RABGAP1: variants seen among roughly 807,000 people sequenced by gnomAD.
RABGAP1 encodes RAB GTPase activating protein 1, also known as rab GTPase-activating protein 1.
In RABGAP1, 23 loss-of-function variants were observed where a neutral mutation model predicts 137.6. The ratio of observed to expected loss-of-function variants is 0.17; its 90% CI spans 0.12 to 0.24. The LOEUF is 0.24. RABGAP1 is among the 10% of genes least tolerant of loss of function. The pLI, the probability that RABGAP1 is intolerant of heterozygous loss-of-function variation, is 1.00. For missense variants in RABGAP1, 906 were observed against 1,275.8 expected (o/e 0.71, Z 4.42); for synonymous variants, 451 against 450.7 (o/e 1.00, Z -0.01).
At chr9:122,959,374 A>AG (rs1308565572) in intron 2 of RABGAP1, among the ~76,000 whole-genome samples, 3 of 151,412 alleles carry the variant, frequency 2.0e-5, no homozygotes, top group African/African-American at 7.3e-5. Flanking sequence ...CAAAAAAAAA[A>AG]AAAAAAAAAA....
At position 122,961,687 on chromosome 9, in the gene RABGAP1, A is replaced by G. The variant is rs189237802; in HGVS notation, c.150+4478A>G. On this transcript the variant is annotated intron_variant, in intron 2 of 25. Coordinates refer to ENST00000373647, the MANE Select transcript of RABGAP1 (RefSeq NM_012197.4). Reference sequence around the variant, plus strand: ...TTGTGTATATATCATGTGTATCTATATAGGCACTTAATAGCTGTAAAGTTC... The same window carrying G: ...TTGTGTATATATCATGTGTATCTATGTAGGCACTTAATAGCTGTAAAGTTC... Among the ~76,000 whole-genome samples, 933 of 152,336 alleles carry G rather than the reference A, an allele frequency of 6.1e-3. 4 individuals carry two copies. Among genetic ancestry groups the G allele is most frequent in the Non-Finnish European group, 9.2e-3 (624 of 68,028 alleles).
intron 13 of RABGAP1, chr9:123,034,853 T>C (rs1439905723): frequency 6.2e-7 from 1 of 1,614,098 alleles, no homozygotes; most frequent in South Asian, 1.1e-5. Flanking sequence ...CCCCTTCCAG[T>C]AGAGGAGTCC....
upstream of RABGAP1, among the ~76,000 whole-genome samples, chr9:122,936,965 T>C (rs117488038): frequency 3.0e-4 from 45 of 152,164 alleles, no homozygotes; most frequent in East Asian, 7.9e-3. Context: ...CCAGCAAACA[T>C]GGGGGCAGGA....
intron 23 of RABGAP1, 40 bp downstream of exon 23, chr9:123,098,838 G>T (rs892971055): frequency 1.8e-5 from 27 of 1,517,370 alleles, no homozygotes; most frequent in Non-Finnish European, 2.5e-5. Context: ...TGTAATCTGG[G>T]AGCCCCTAGT....
At chr9:122,982,747 A>T (rs1272054091) in intron 2 of RABGAP1, among the ~76,000 whole-genome samples, 1 of 152,244 alleles carries the variant, frequency 6.6e-6, no homozygotes, top group Non-Finnish European at 1.5e-5. Flanking sequence ...TGCTTTAAAA[A>T]TTTTTTAAGC....
chr9:123,051,514 T>C (rs2033471140), intron 13 of RABGAP1, among the ~76,000 whole-genome samples: 1 of 151,834 alleles, frequency 6.6e-6, no homozygotes, highest in Non-Finnish European at 1.5e-5. Flanking sequence ...CCCAAAGTGC[T>C]GGGATTACAG....
chr9:123,002,204 A>C (rs935509146), intron 10 of RABGAP1, among the ~76,000 whole-genome samples: 1 of 151,914 alleles, frequency 6.6e-6, no homozygotes, highest in African/African-American at 2.4e-5. Flanking sequence ...GGGAGGCTGA[A>C]ACAGGAGAAT....
chr9:123,025,543 C>CTTTTTTTTTTTTTTTT (rs577474947), intron 13 of RABGAP1, among the ~76,000 whole-genome samples: 1,327 of 74,612 alleles, frequency 0.018, 40 homozygotes, highest in Middle Eastern at 0.04. Flanking sequence ...TCTTTCTTTT[C>CTTTTTTTTTTTTTTTT]TTTTTTTTTT....
At chr9:123,022,723 A>G (rs1417068879) in intron 13 of RABGAP1, among the ~76,000 whole-genome samples, 1 of 152,066 alleles carries the variant, frequency 6.6e-6, no homozygotes, top group African/African-American at 2.4e-5. Flanking sequence ...TTTTTAATGA[A>G]TATATATTAA....
the RABGAP1 span, among the ~76,000 whole-genome samples, chr9:122,935,271 TG>T: frequency 2.6e-5 from 4 of 152,248 alleles, no homozygotes; most frequent in South Asian, 8.3e-4. Context: ...ACTCTGCTCA[TG>T]TAAAGCTCTG....
intron 1 of RABGAP1, 32 bp from the exon 2 acceptor site, chr9:122,956,979 A>G (rs1162743214): frequency 6.1e-6 from 7 of 1,152,830 alleles, no homozygotes; most frequent in Admixed American, 3.0e-5. Flanking sequence ...CAGACATTCT[A>G]TATGAGTATC....
At chr9:122,996,446 C>G in intron 7 of RABGAP1, 93 bp from the exon 8 acceptor site, 1 of 1,263,286 alleles carries the variant, frequency 7.9e-7, no homozygotes, top group South Asian at 1.4e-5. Context: ...GTTCTCTTTT[C>G]TATCAGCAAG....
chr9:123,077,986 A>C (rs2034575882), intron 19 of RABGAP1, among the ~76,000 whole-genome samples: 1 of 152,206 alleles, frequency 6.6e-6, no homozygotes, highest in South Asian at 2.1e-4. Context: ...ATTTAAAACA[A>C]AGTAGCTCAA....
At chr9:123,014,684 C>T (rs1163142209) in intron 11 of RABGAP1, among the ~76,000 whole-genome samples, 3 of 118,312 alleles carry the variant, frequency 2.5e-5, no homozygotes, top group Non-Finnish European at 5.0e-5. Flanking sequence ...TTTTTTGAGA[C>T]GGAGTCTTGG....
intron 13 of RABGAP1, among the ~76,000 whole-genome samples, chr9:123,037,725 T>TTGTG (rs545480959): frequency 2.0e-5 from 3 of 152,076 alleles, no homozygotes; most frequent in Admixed American, 2.0e-4. Flanking sequence ...TCTTATTTTG[T>TTGTG]TGTGTGTGTA....
intron 10 of RABGAP1, among the ~76,000 whole-genome samples, chr9:123,004,471 G>A (rs1171439742): frequency 1.3e-5 from 2 of 151,928 alleles, no homozygotes; most frequent in African/African-American, 4.8e-5. Flanking sequence ...TTTTTGGAGA[G>A]ACGGAGTTTC....
intron 10 of RABGAP1, among the ~76,000 whole-genome samples, chr9:123,007,666 G>A (rs997399111): frequency 4.1e-5 from 6 of 145,688 alleles, no homozygotes; most frequent in Non-Finnish European, 6.0e-5. Context: ...CCCAAAATGC[G>A]CAACCTCCCA....
In RABGAP1 at chr9:123,070,886, A is replaced by C. The variant is rs2034333388; in HGVS notation, c.1983+462A>C. ...CTTTCAAATCCACAGAAAACTCTAA[A>C]CAGTGTTAAGGTGAACAGTCTTTAT... On this transcript the variant is annotated intron_variant, in intron 15 of 25. Transcript: ENST00000373647. The surrounding 1 kb of genome is among the most constrained non-coding windows in gnomAD (Gnocchi z 4.4). Among the ~76,000 whole-genome samples, 1 of 152,186 alleles carries C rather than the reference A, an allele frequency of 6.6e-6. No individual in the cohort carries two copies. The highest frequency in any genetic ancestry group is 2.4e-5 in the African/African-American group (1 of 41,454).
chr9:122,999,438 A>C (rs1162956935), intron 10 of RABGAP1, among the ~76,000 whole-genome samples: 1 of 151,092 alleles, frequency 6.6e-6, no homozygotes, highest in Non-Finnish European at 1.5e-5. Flanking sequence ...TCATCCGCCC[A>C]CCTCAGCCTC....
Sources: allele counts gnomAD v4.1 joint callset (sites outside exome capture counted in the v4.1 genomes callset), GRCh38; gene constraint gnomAD v4.1.1; non-coding constraint Gnocchi (gnomAD v3.1); transcripts MANE v1.5; gene names NCBI Gene and HGNC (gene_info 2026-07-23, HGNC 2026-07-21).